VAC14: variants seen among roughly 807,000 people sequenced by gnomAD.
The protein encoded by VAC14 is VAC14 component of PIKFYVE complex.
VAC14 carries 47 observed loss-of-function variants against 85.3 expected under a neutral mutation model. The ratio of observed to expected loss-of-function variants is 0.55; its 90% confidence interval spans 0.44 to 0.70. The LOEUF (loss-of-function observed/expected upper bound fraction) is 0.70, where lower values mean the gene tolerates loss of function less well. VAC14 is among the 30% of genes least tolerant of loss of function. The probability of loss-of-function intolerance (pLI) is 0.00; values close to 1 mark genes in which losing one functional copy is unlikely to be tolerated. For synonymous variants in VAC14, 447 were observed against 430.5 expected (o/e 1.04, Z -0.47); for missense variants, 861 against 1,004.3 (o/e 0.86, Z 1.93).
In VAC14 at chr16:70,785,817, T is replaced by A; in HGVS notation, c.308A>T (p.Asn103Ile). ...ELIEPVLTCFNDADSRLRYYA... is the reference protein window; with the variant it reads ...ELIEPVLTCFIDADSRLRYYA... The stretch of plus-strand genomic sequence containing the variant: ...GTAGCGCAGCCTGCTGTCTGCATCA[T>A]TGAAGCAGGTCAGCACTGGCTCGAT... The change falls in exon 3 of 19, where the codon AAT (asparagine) becomes ATT (isoleucine). Residue 103 changes from asparagine (N) to isoleucine (I), a missense_variant. Physicochemically the swap from Asn to Ile is moderately radical, Grantham distance 149 (BLOSUM62 -3). Transcript: ENST00000261776. 6.2e-7 allele frequency: 1 copy of A among 1,604,414 alleles called. No individual in the cohort carries two copies. The highest frequency in any genetic ancestry group is 8.5e-7 in the Non-Finnish European group (1 of 1,174,740).
intron 14 of VAC14, among the ~76,000 whole-genome samples, chr16:70,702,090 G>T (rs767485422): frequency 3.9e-5 from 6 of 152,196 alleles, no homozygotes; most frequent in Non-Finnish European, 7.3e-5. Context: ...CGAACAGAAC[G>T]GTAGGTGCAC....
At chr16:70,688,441 G>C in intron 18 of VAC14, 1 of 1,003,862 alleles carries the variant, frequency 1.0e-6, no homozygotes, top group Non-Finnish European at 1.2e-6. Flanking sequence ...CAGGAAGCCA[G>C]CTGGGGCCTG....
chr16:70,771,243 G>GGT (rs2033196933), intron 10 of VAC14: 1 of 152,246 alleles, frequency 6.6e-6, no homozygotes, highest in East Asian at 1.9e-4. Context: ...GAATTATTTT[G>GGT]CTGCCTGGTC....
At chr16:70,698,913 C>A in intron 14 of VAC14, 102 bp from the exon 15 acceptor site, 1 of 1,022,816 alleles carries the variant, frequency 9.8e-7, no homozygotes. Context: ...CCTGGGGAAA[C>A]TGCTCTTTCC....
At chr16:70,754,565 G>A (rs771806566) in intron 12 of VAC14, among the ~76,000 whole-genome samples, 2 of 152,116 alleles carry the variant, frequency 1.3e-5, no homozygotes, top group Non-Finnish European at 2.9e-5. Flanking sequence ...GGACAGCCGC[G>A]GGGAGAGGGG....
At chr16:70,748,574 A>G (rs1343683645) in intron 12 of VAC14, among the ~76,000 whole-genome samples, 1 of 152,234 alleles carries the variant, frequency 6.6e-6, no homozygotes, top group African/African-American at 2.4e-5. Context: ...GGCCAGCTCC[A>G]GAGTGGGGAA....
intron 13 of VAC14, among the ~76,000 whole-genome samples, chr16:70,733,782 A>G (rs528906109): frequency 4.6e-4 from 70 of 152,236 alleles, no homozygotes; most frequent in African/African-American, 1.7e-3. Context: ...CTGTAAGCCA[A>G]TTAAATCTCT....
At chr16:70,699,127 G>A (rs1047616589) in intron 14 of VAC14, 6 of 304,456 alleles carry the variant, frequency 2.0e-5, no homozygotes, top group African/African-American at 4.2e-5. Flanking sequence ...CTGAGATCCC[G>A]TCACCTTCCT....
chr16:70,791,079 C>T (rs2034316126), intron 1 of VAC14, among the ~76,000 whole-genome samples: 1 of 152,234 alleles, frequency 6.6e-6, no homozygotes, highest in African/African-American at 2.4e-5. Flanking sequence ...CCTCTGACCT[C>T]TGCAGCCTTC....
intron 14 of VAC14, among the ~76,000 whole-genome samples, chr16:70,703,260 C>T (rs2053862847): frequency 6.6e-6 from 1 of 152,274 alleles, no homozygotes; most frequent in Non-Finnish European, 1.5e-5. Context: ...TTTCCAACAC[C>T]CGCATGAAAA....
At chr16:70,719,205 A>G (rs899551479) in intron 14 of VAC14, among the ~76,000 whole-genome samples, 1 of 152,196 alleles carries the variant, frequency 6.6e-6, no homozygotes, top group African/African-American at 2.4e-5. Context: ...GAATTAAGAA[A>G]AAACACCTCT....
intron 12 of VAC14, chr16:70,755,904 C>T: frequency 2.4e-6 from 1 of 415,204 alleles, no homozygotes; most frequent in Non-Finnish European, 4.9e-6. Flanking sequence ...CCTAGGGGCA[C>T]TCTGCTTCCT....
chr16:70,723,805 G>A (rs1466374384), intron 14 of VAC14, among the ~76,000 whole-genome samples: 1 of 152,234 alleles, frequency 6.6e-6, no homozygotes. Flanking sequence ...CAAGGGGCCA[G>A]CGTGAACCTG....
intron 10 of VAC14, among the ~76,000 whole-genome samples, chr16:70,765,537 A>C (rs2032741824): frequency 6.6e-6 from 1 of 152,188 alleles, no homozygotes; most frequent in African/African-American, 2.4e-5. Context: ...CATTTCGGGG[A>C]AGAGGGAACT....
At chr16:70,725,502 C>G (rs1008871422) in intron 14 of VAC14, among the ~76,000 whole-genome samples, 2 of 152,150 alleles carry the variant, frequency 1.3e-5, no homozygotes, top group African/African-American at 2.4e-5. Flanking sequence ...CCCGGCCCCC[C>G]ACCCCCTCAG....
At chr16:70,760,055 A>G (rs1483136852) in intron 12 of VAC14, among the ~76,000 whole-genome samples, 2 of 152,174 alleles carry the variant, frequency 1.3e-5, no homozygotes, top group African/African-American at 4.8e-5. Flanking sequence ...TCCCATGGTA[A>G]TGACTTCCTA....
At chr16:70,745,773 T>A (rs1032217921) in intron 12 of VAC14, among the ~76,000 whole-genome samples, 4 of 152,188 alleles carry the variant, frequency 2.6e-5, no homozygotes, top group African/African-American at 9.7e-5. Flanking sequence ...GGTGGTTGCC[T>A]GTGCCTCTTC....
chr16:70,761,018 T>TGTGTGTGTGTGTGTGC (rs1555523169), intron 12 of VAC14: 5 of 267,806 alleles, frequency 1.9e-5, no homozygotes, highest in African/African-American at 1.3e-4. Context: ...TGTGTGTGTG[T>TGTGTGTGTGTGTGTGC]GCATGGGGGG....
chr16:70,719,665 CA>C (rs1402945915), intron 14 of VAC14, among the ~76,000 whole-genome samples: 1 of 152,188 alleles, frequency 6.6e-6, no homozygotes. Flanking sequence ...ATTAAAACCA[CA>C]AGATGATACT....
Sources: gnomAD v4.1 joint callset for allele counts (sites outside exome capture counted in the v4.1 genomes callset) on GRCh38, gnomAD v4.1.1 for gene constraint, MANE v1.5 for transcripts, NCBI Gene and HGNC (gene_info 2026-07-23, HGNC 2026-07-21) for gene names.